Variants in NKAIN2 observed in about 807,000 individuals in gnomAD.
The protein encoded by NKAIN2 is sodium/potassium transporting ATPase interacting 2.
NKAIN2 carries 14 observed loss-of-function variants against 32.6 expected under a neutral mutation model. The ratio of observed to expected loss-of-function variants is 0.43; its 90% confidence interval spans 0.28 to 0.67. The LOEUF is 0.67. Among genes scored for constraint, NKAIN2 ranks in the 30% least tolerant of loss-of-function variants. The probability of loss-of-function intolerance (pLI) is 0.17; values close to 1 mark genes in which losing one functional copy is unlikely to be tolerated. For synonymous variants in NKAIN2, 80 were observed against 87.2 expected (o/e 0.92, Z 0.46); for missense variants, 198 against 258.3 (o/e 0.77, Z 1.60).
At chr6:124,269,593 G>A (rs80153450) in intron 1 of NKAIN2, among the ~76,000 whole-genome samples, 18,618 of 151,576 alleles carry the variant, frequency 0.12, 1,450 homozygotes, top group Middle Eastern at 0.19. Flanking sequence ...TCAGCCTCCT[G>A]AGTAGCTTGG....
At chr6:124,492,583 A>G (rs953377338) in intron 3 of NKAIN2, among the ~76,000 whole-genome samples, 11 of 151,916 alleles carry the variant, frequency 7.2e-5, no homozygotes, top group Non-Finnish European at 5.9e-5. Context: ...CTAGATAGAT[A>G]ATTTATAACT....
chr6:124,041,212 C>A (rs1781858319), intron 1 of NKAIN2, among the ~76,000 whole-genome samples: 1 of 151,994 alleles, frequency 6.6e-6, no homozygotes, highest in Non-Finnish European at 1.5e-5. Context: ...TAAGGGGAAG[C>A]ATCACTCCTG....
intron 3 of NKAIN2, among the ~76,000 whole-genome samples, chr6:124,508,293 C>A (rs556377962): frequency 3.3e-5 from 5 of 151,754 alleles, no homozygotes; most frequent in Non-Finnish European, 7.4e-5. Context: ...AACAAAAAAC[C>A]CACTCAATTA....
At chr6:124,562,060 G>C (rs1268210535) in intron 3 of NKAIN2, among the ~76,000 whole-genome samples, 1 of 152,190 alleles carries the variant, frequency 6.6e-6, no homozygotes, top group Non-Finnish European at 1.5e-5. Flanking sequence ...TGGGAGTTTT[G>C]TGAAAGCTCA....
At chr6:124,353,910 G>A (rs1338620292) in intron 2 of NKAIN2, among the ~76,000 whole-genome samples, 5 of 152,280 alleles carry the variant, frequency 3.3e-5, no homozygotes, top group Admixed American at 6.5e-5. Context: ...GATCATGGAG[G>A]TTCTTGAAGC....
intron 1 of NKAIN2, among the ~76,000 whole-genome samples, chr6:123,977,627 G>A (rs565422914): frequency 3.3e-5 from 5 of 152,128 alleles, no homozygotes; most frequent in African/African-American, 4.8e-5. Flanking sequence ...TGTCTTATCC[G>A]GAGCCCTTTC....
chr6:124,455,652 A>G (rs1776290908), intron 3 of NKAIN2, among the ~76,000 whole-genome samples: 1 of 151,806 alleles, frequency 6.6e-6, no homozygotes, highest in African/African-American at 2.4e-5. Context: ...AATTTTTGCC[A>G]TAAGAAAAAT....
intron 4 of NKAIN2, among the ~76,000 whole-genome samples, chr6:124,722,836 C>A (rs1776088695): frequency 1.3e-5 from 2 of 152,220 alleles, no homozygotes; most frequent in South Asian, 4.1e-4. Context: ...TCTTTGTCAA[C>A]ACATTACTTT....
intron 3 of NKAIN2, among the ~76,000 whole-genome samples, chr6:124,477,580 C>G (rs1393384159): frequency 6.6e-6 from 1 of 151,670 alleles, no homozygotes; most frequent in Non-Finnish European, 1.5e-5. Context: ...ATAATAATAT[C>G]TCTTTCCTCC....
chr6:124,617,576 T>C (rs1342753193), intron 3 of NKAIN2, among the ~76,000 whole-genome samples: 1 of 152,196 alleles, frequency 6.6e-6, no homozygotes, highest in Non-Finnish European at 1.5e-5. Flanking sequence ...GCTCATATTA[T>C]GGTATTTCCT....
intron 1 of NKAIN2, 122 bp downstream of exon 1, chr6:123,804,376 T>TA (rs1159231146): frequency 1.2e-5 from 10 of 821,444 alleles, no homozygotes; most frequent in Admixed American, 5.8e-5. Flanking sequence ...AGGTGACAGA[T>TA]ATATTGCCTA....
At chr6:124,427,876 C>T (rs1302465105) in intron 3 of NKAIN2, among the ~76,000 whole-genome samples, 1 of 152,004 alleles carries the variant, frequency 6.6e-6, no homozygotes, top group Non-Finnish European at 1.5e-5. Context: ...GTATTTGGCA[C>T]AGCTACATGT....
intron 1 of NKAIN2, among the ~76,000 whole-genome samples, chr6:124,117,531 A>G (rs184036897): frequency 2.6e-5 from 4 of 152,190 alleles, no homozygotes. Context: ...GCATTGTCAT[A>G]TAAAGCTACC....
intron 1 of NKAIN2, among the ~76,000 whole-genome samples, chr6:124,131,079 C>T (rs1284558832): frequency 6.6e-6 from 1 of 152,124 alleles, no homozygotes; most frequent in African/African-American, 2.4e-5. Context: ...TTAGAATATC[C>T]TAAAGTTATA....
At chr6:124,574,149 G>A (rs1003632783) in intron 3 of NKAIN2, among the ~76,000 whole-genome samples, 3 of 152,170 alleles carry the variant, frequency 2.0e-5, no homozygotes, top group Admixed American at 6.5e-5. Flanking sequence ...CAGGGCAACT[G>A]TTTTCTATCT....
chr6:124,472,519 A>G (rs974789044), intron 3 of NKAIN2, among the ~76,000 whole-genome samples: 4 of 152,024 alleles, frequency 2.6e-5, no homozygotes, highest in African/African-American at 4.8e-5. Flanking sequence ...AGAGCATCTC[A>G]CCAGGAAACG....
intron 4 of NKAIN2, among the ~76,000 whole-genome samples, chr6:124,779,290 A>G (rs1456678038): frequency 2.3e-5 from 2 of 87,124 alleles, no homozygotes; most frequent in Non-Finnish European, 4.4e-5. Flanking sequence ...AGAGGAAGGC[A>G]GGAAGGAGGG....
At chr6:124,336,781 C>T (rs1385306826) in intron 2 of NKAIN2, among the ~76,000 whole-genome samples, 1 of 149,428 alleles carries the variant, frequency 6.7e-6, no homozygotes, top group African/African-American at 2.5e-5. Flanking sequence ...TCAAGCAATT[C>T]CCCTGCTTCA....
chr6:123,840,409 G>C (rs1411393480), intron 1 of NKAIN2, among the ~76,000 whole-genome samples: 1 of 151,906 alleles, frequency 6.6e-6, no homozygotes, highest in Non-Finnish European at 1.5e-5. Context: ...TTTTAAGCTT[G>C]CAAAACTATC....
Sources: allele counts gnomAD v4.1 joint callset (sites outside exome capture counted in the v4.1 genomes callset), GRCh38; gene constraint gnomAD v4.1.1; transcripts MANE v1.5; gene names NCBI Gene and HGNC (gene_info 2026-07-23, HGNC 2026-07-21).